Variants in CACNA1C observed in about 807,000 individuals in gnomAD.
CACNA1C encodes the protein calcium voltage-gated channel subunit alpha1 C, also known as voltage-dependent L-type calcium channel subunit alpha-1C.
CACNA1C carries 30 observed loss-of-function variants against 229.0 expected under a neutral mutation model. That is an observed-to-expected ratio of 0.13 (90% CI 0.10 to 0.18). The LOEUF is 0.18. CACNA1C is among the 10% of genes least tolerant of loss of function. The pLI, the probability that CACNA1C is intolerant of heterozygous loss-of-function variation, is 1.00. For missense variants in CACNA1C, 1,658 were observed against 2,845.0 expected, an observed-to-expected ratio of 0.58 and a Z score of 9.49; for synonymous variants, 1,114 against 1,132.5, an observed-to-expected ratio of 0.98 and a Z score of 0.33.
intron 3 of CACNA1C, among the ~76,000 whole-genome samples, chr12:2,248,658 A>G (rs2074323616): frequency 6.6e-6 from 1 of 152,244 alleles, no homozygotes; most frequent in Non-Finnish European, 1.5e-5. Flanking sequence ...TCAAAGCCGC[A>G]GTGGTATAAA....
intron 3 of CACNA1C, among the ~76,000 whole-genome samples, chr12:2,315,070 A>G (rs955216363): frequency 7.9e-5 from 12 of 152,192 alleles, no homozygotes; most frequent in Non-Finnish European, 1.3e-4. Context: ...ATTAGCCTGC[A>G]AGGAACCTCT....
chr12:2,059,219 G>A (rs1019982177), intron 1 of CACNA1C, among the ~76,000 whole-genome samples: 6 of 152,120 alleles, frequency 3.9e-5, no homozygotes, highest in African/African-American at 1.4e-4. Context: ...GCCTCCGAGA[G>A]CTGAGATGCA....
Position 2,655,221 on chromosome 12 carries a change from C to T in CACNA1C, c.4215C>T (p.Ala1405=), listed in dbSNP as rs768068080. The T allele has an allele frequency of 6.2e-6, 10 of 1,611,716 alleles. No individual in the cohort carries two copies. The South Asian group carries it at 6.6e-5, about 11-fold the overall frequency. ...RNNNFQTFPQ[A]VLLLFRCATG... ...ACAACTTTCAGACCTTCCCCCAGGC[C>T]GTGCTGCTCCTCTTCAGGTGGGTCC... Residue 1405 remains alanine, a synonymous_variant, in exon 34 of 47, where the codon GCC becomes GCT. Transcript: ENST00000399655.
chr12:2,144,160 A>G lies in CACNA1C; in HGVS notation c.477+23730A>G, dbSNP rs550552097. Among the ~76,000 whole-genome samples, 131 of 151,462 alleles carry G rather than the reference A, an allele frequency of 8.6e-4. 6 individuals carry two copies. Among genetic ancestry groups the G allele is most frequent in the Non-Finnish European group, 1.7e-3 (112 of 67,644 alleles). On this transcript the variant is annotated intron_variant, in intron 3 of 46. Transcript: ENST00000399655. ...AAGACACATGGAAAAATTAGGAGCT[A>G]TCTGCAGGATTCTGACTGTAATGTG...
At chr12:2,581,057 G>T (rs2060295631) in intron 13 of CACNA1C, among the ~76,000 whole-genome samples, 2 of 152,218 alleles carry the variant, frequency 1.3e-5, no homozygotes, top group African/African-American at 4.8e-5. Flanking sequence ...TCTGCTAGAA[G>T]GCTGCTGCCT....
At chr12:1,991,586 T>C (rs1354524883) in intron 1 of CACNA1C, 1 of 239,108 alleles carries the variant, frequency 4.2e-6, no homozygotes, top group African/African-American at 2.3e-5. Flanking sequence ...TGGTGCCTGT[T>C]GGACACTCAC....
At chr12:2,559,942 TTAC>T (rs1164136139) in intron 11 of CACNA1C, among the ~76,000 whole-genome samples, 16 of 152,238 alleles carry the variant, frequency 1.1e-4, no homozygotes, top group Admixed American at 1.0e-3. Flanking sequence ...CTCTAAAACA[TTAC>T]TATTTCAATA....
At chr12:2,087,315 A>C (rs1274999760) in intron 1 of CACNA1C, among the ~76,000 whole-genome samples, 3 of 152,106 alleles carry the variant, frequency 2.0e-5, no homozygotes, top group African/African-American at 7.2e-5. Context: ...AATGGGGGAG[A>C]GTCCTTTCAC....
intron 21 of CACNA1C, among the ~76,000 whole-genome samples, chr12:2,600,313 A>G (rs926841625): frequency 1.3e-5 from 2 of 152,302 alleles, no homozygotes; most frequent in South Asian, 2.1e-4. Flanking sequence ...ACCATTGCCC[A>G]ACACAGGTGC....
At chr12:2,433,246 G>A (rs971634072) in intron 3 of CACNA1C, among the ~76,000 whole-genome samples, 6 of 152,198 alleles carry the variant, frequency 3.9e-5, no homozygotes, top group Non-Finnish European at 8.8e-5. Context: ...CAGAGGCCAA[G>A]GAGGCATCCA....
intron 1 of CACNA1C, among the ~76,000 whole-genome samples, chr12:2,026,931 G>C (rs1410734248): frequency 6.6e-6 from 1 of 152,030 alleles, no homozygotes; most frequent in Non-Finnish European, 1.5e-5. Flanking sequence ...TGTTTTAAAA[G>C]AACTAAAACT....
chr12:2,643,234 GCCCGTGGGTTTC>G (rs1448279795), intron 30 of CACNA1C, among the ~76,000 whole-genome samples: 5 of 152,232 alleles, frequency 3.3e-5, no homozygotes, highest in Non-Finnish European at 7.3e-5. Context: ...AAACACAAAA[GCCCGTGGGTTTC>G]CGACCTGGGG....
chr12:2,009,592 T>C (rs1415162583), intron 1 of CACNA1C, among the ~76,000 whole-genome samples: 1 of 152,212 alleles, frequency 6.6e-6, no homozygotes, highest in Non-Finnish European at 1.5e-5. Flanking sequence ...AATTTGTGAT[T>C]CTGAGATGAC....
chr12:2,439,067 G>A (rs1439374695), intron 3 of CACNA1C, among the ~76,000 whole-genome samples: 2 of 152,168 alleles, frequency 1.3e-5, no homozygotes, highest in Non-Finnish European at 2.9e-5. Context: ...TAATCACCAT[G>A]AGCACAGTGA....
intron 9 of CACNA1C, among the ~76,000 whole-genome samples, chr12:2,528,927 C>T (rs112688059): frequency 6.6e-6 from 1 of 152,152 alleles, no homozygotes; most frequent in South Asian, 2.1e-4. Context: ...TGGACACTCA[C>T]GCAGGCCCAG....
intron 5 of CACNA1C, among the ~76,000 whole-genome samples, chr12:2,465,394 A>G (rs1488681916): frequency 6.6e-6 from 1 of 152,176 alleles, no homozygotes; most frequent in African/African-American, 2.4e-5. Context: ...GAAAAGTTTT[A>G]TGAAGGAGGA....
At chr12:2,263,962 C>T (rs1306413875) in intron 3 of CACNA1C, among the ~76,000 whole-genome samples, 1 of 152,150 alleles carries the variant, frequency 6.6e-6, no homozygotes, top group East Asian at 1.9e-4. Context: ...CCAAGTCCTG[C>T]CTCGGAGATC....
At chr12:2,536,268 G>A (rs765326822) in intron 9 of CACNA1C, among the ~76,000 whole-genome samples, 15 of 152,178 alleles carry the variant, frequency 9.9e-5, no homozygotes, top group Non-Finnish European at 1.8e-4. Flanking sequence ...CTTTGTGAAC[G>A]GCAAAGAACA....
intron 3 of CACNA1C, among the ~76,000 whole-genome samples, chr12:2,163,305 C>T (rs1290060785): frequency 2.0e-5 from 3 of 151,832 alleles, no homozygotes; most frequent in Admixed American, 6.6e-5. Context: ...AGCCTTGTGA[C>T]GTAGGCAGTA....
Sources: gnomAD v4.1 joint callset for allele counts (sites outside exome capture counted in the v4.1 genomes callset) on GRCh38, gnomAD v4.1.1 for gene constraint, MANE v1.5 for transcripts, NCBI Gene and HGNC (gene_info 2026-07-23, HGNC 2026-07-21) for gene names.